Variants in POLD3 observed in about 807,000 individuals in gnomAD.
The protein encoded by POLD3 is DNA polymerase delta 3, accessory subunit.
In POLD3, 19 loss-of-function variants were observed where a neutral mutation model predicts 58.2. The ratio of observed to expected loss-of-function variants is 0.33; its 90% CI spans 0.23 to 0.48. The LOEUF (loss-of-function observed/expected upper bound fraction) is 0.48. POLD3 is among the 20% of genes least tolerant of loss of function. The probability of loss-of-function intolerance (pLI) is 0.99; values close to 1 mark genes in which losing one functional copy is unlikely to be tolerated. For missense variants in POLD3, 504 were observed against 545.5 expected (o/e 0.92, Z 0.76); for synonymous variants, 172 against 193.5 (o/e 0.89, Z 0.92).
In POLD3 at chr11:74,604,562, C is replaced by A. The variant is rs1014692603; in HGVS notation, c.117-130C>A. ...TTTTTTCAACTGTCCATAGGCCAAG[C>A]AAAAATGCTACTGTTCAGAAAATTT... On this transcript the variant is annotated intron_variant, in intron 2 of 11. Transcript: ENST00000263681. 2.3e-5 allele frequency: 14 copies of A among 617,928 alleles called. No individual in the cohort carries two copies. The East Asian group carries it at 3.6e-4, about 16-fold the overall frequency. 38.3% of individuals were successfully genotyped at this position (617,928 alleles called of 1,614,324 possible).
At chr11:74,621,015 A>C (rs569829632) in intron 7 of POLD3, among the ~76,000 whole-genome samples, 21 of 151,992 alleles carry the variant, frequency 1.4e-4, no homozygotes, top group African/African-American at 5.1e-4. Flanking sequence ...GTGTTCTTGC[A>C]GCTCAGAATG....
chr11:74,628,527 T>G (rs2032497175), intron 8 of POLD3, among the ~76,000 whole-genome samples: 1 of 152,176 alleles, frequency 6.6e-6, no homozygotes, highest in Non-Finnish European at 1.5e-5. Context: ...AATTACTTGT[T>G]GGTTGCATGA....
intron 4 of POLD3, among the ~76,000 whole-genome samples, chr11:74,665,947 GGAA>G (rs2033263216): frequency 6.6e-6 from 1 of 152,120 alleles, no homozygotes; most frequent in Non-Finnish European, 1.5e-5. Context: ...ATTTTAGAAA[GGAA>G]GAAGTACAAC....
At chr11:74,656,493 A>C (rs1336278711) in intron 4 of POLD3, among the ~76,000 whole-genome samples, 1 of 152,172 alleles carries the variant, frequency 6.6e-6, no homozygotes, top group Non-Finnish European at 1.5e-5. Context: ...AGGCTGAGTC[A>C]GGAGAATCGC....
chr11:74,622,513 C>G (rs1342502244), intron 7 of POLD3, among the ~76,000 whole-genome samples: 3 of 152,100 alleles, frequency 2.0e-5, no homozygotes, highest in Non-Finnish European at 4.4e-5. Context: ...CTAAAAATTG[C>G]TTACAAAGTT....
chr11:74,625,550 G>C lies in POLD3; in HGVS notation c.876G>C (p.Lys292Asn). ...CCAGCAAAAAAGCAGAGCCTGTTAA[G>C]GTGCTGCAGAAGGAAAAAAAAAGGT... ...KKSSKKAEPV[K>N]VLQKEKKRGK... The change falls in exon 8 of 12, where the codon AAG (lysine) becomes AAC (asparagine). Residue 292 changes from lysine to asparagine, a missense_variant. By Grantham distance (94) the Lys-to-Asn change is moderately conservative. This residue lies in a region of POLD3 where 385 missense variants were observed against 370.5 expected (regional missense o/e 1.04). Coordinates refer to ENST00000263681, the MANE Select transcript of POLD3 (RefSeq NM_006591.3). 6.2e-7 allele frequency: 1 copy of C among 1,604,278 alleles called. No homozygotes were observed. Among genetic ancestry groups the C allele is most frequent in the Non-Finnish European group, 8.5e-7 (1 of 1,177,462 alleles).
At chr11:74,651,520 A>G (rs1391531410) in intron 4 of POLD3, among the ~76,000 whole-genome samples, 1 of 152,214 alleles carries the variant, frequency 6.6e-6, no homozygotes, top group African/African-American at 2.4e-5. Context: ...TGCATGAACA[A>G]TTATGTAATG....
intron 5 of POLD3, among the ~76,000 whole-genome samples, chr11:74,616,665 AC>A (rs145347921): frequency 1.1e-3 from 162 of 152,344 alleles, no homozygotes; most frequent in African/African-American, 3.8e-3. Context: ...GTGTGTAAAT[AC>A]AGAGTTTTCT....
chr11:74,614,089 A>G (rs762474961), intron 5 of POLD3, among the ~76,000 whole-genome samples: 2 of 152,242 alleles, frequency 1.3e-5, no homozygotes, highest in Non-Finnish European at 2.9e-5. Context: ...AGTGAAAGGT[A>G]GGAAATAATT....
chr11:74,626,156 C>T (rs544565984), intron 8 of POLD3, among the ~76,000 whole-genome samples: 1 of 152,078 alleles, frequency 6.6e-6, no homozygotes, highest in African/African-American at 2.4e-5. Context: ...CCTAGAAAGA[C>T]GACTTTTGTG....
Position 74,641,225 on chromosome 11 carries a change from C to T in POLD3, c.*459C>T. On this transcript the variant is annotated 3_prime_UTR_variant, in exon 12 of 12. Coordinates refer to ENST00000263681, the MANE Select transcript of POLD3 (RefSeq NM_006591.3). Reference sequence around the variant, plus strand: ...TACGTTTACCCCTCTTGTCTTCCTGCAGTACCACACTTCTGTCCCCTAACC... The same window carrying T: ...TACGTTTACCCCTCTTGTCTTCCTGTAGTACCACACTTCTGTCCCCTAACC... 2.0e-6 allele frequency: 2 copies of T among 985,596 alleles called. No individual in the cohort carries two copies. The highest frequency in any genetic ancestry group is 2.4e-6 in the Non-Finnish European group (2 of 830,030). The allele number at this position is 985,596 out of a possible 1,614,324, so 61.1% of individuals were successfully genotyped here.
At chr11:74,608,470 A>G (rs1034864916) in intron 3 of POLD3, among the ~76,000 whole-genome samples, 16 of 152,006 alleles carry the variant, frequency 1.1e-4, no homozygotes, top group Admixed American at 9.2e-4. Flanking sequence ...TCTCTCATCA[A>G]CTAGCCGTGT....
intron 4 of POLD3, among the ~76,000 whole-genome samples, chr11:74,649,820 C>A (rs1408100256): frequency 6.6e-6 from 1 of 152,044 alleles, no homozygotes; most frequent in African/African-American, 2.4e-5. Flanking sequence ...CCAGCCTGGC[C>A]AACATGGTGA....
chr11:74,619,460 G>A (rs1426858677), intron 6 of POLD3, among the ~76,000 whole-genome samples: 3 of 152,170 alleles, frequency 2.0e-5, no homozygotes, highest in African/African-American at 7.2e-5. Context: ...GAAGAAGGAT[G>A]GAGGAAAACA....
At chr11:74,618,172 A>G (rs1358363081) in intron 5 of POLD3, among the ~76,000 whole-genome samples, 10 of 152,210 alleles carry the variant, frequency 6.6e-5, no homozygotes, top group Non-Finnish European at 1.2e-4. Context: ...TAATGAAATT[A>G]CTGCATCTTT....
chr11:74,656,050 TAAA>T (rs1416508665), intron 4 of POLD3, among the ~76,000 whole-genome samples: 18 of 152,152 alleles, frequency 1.2e-4, no homozygotes, highest in Admixed American at 9.8e-4. Context: ...AATTGTAAAA[TAAA>T]AATAACATTT....
At chr11:74,608,519 C>T (rs1847621571) in intron 3 of POLD3, among the ~76,000 whole-genome samples, 1 of 152,154 alleles carries the variant, frequency 6.6e-6, no homozygotes, top group Admixed American at 6.5e-5. Flanking sequence ...TTACCCCCTC[C>T]TAGGCTCTGG....
chr11:74,648,403 C>T (rs116994364), intron 4 of POLD3, among the ~76,000 whole-genome samples: 5 of 152,038 alleles, frequency 3.3e-5, no homozygotes, highest in Non-Finnish European at 7.3e-5. Flanking sequence ...TGTACCATGT[C>T]CTTCCTCCTC....
At chr11:74,650,439 AT>A (rs1397647714) in intron 4 of POLD3, among the ~76,000 whole-genome samples, 1 of 152,098 alleles carries the variant, frequency 6.6e-6, no homozygotes, top group Non-Finnish European at 1.5e-5. Flanking sequence ...TTTCAACCAT[AT>A]TTCTACTTGA....
Sources: allele counts gnomAD v4.1 joint callset (sites outside exome capture counted in the v4.1 genomes callset), GRCh38; gene constraint gnomAD v4.1.1; regional missense constraint gnomAD v4.1.1; transcripts MANE v1.5; gene names NCBI Gene and HGNC (gene_info 2026-07-23, HGNC 2026-07-21).